The following NCKAP5 variants were observed in gnomAD, a reference collection of about 807,000 sequenced individuals.
The protein encoded by NCKAP5 is NCK associated protein 5.
A neutral mutation model predicts 167.0 loss-of-function variants in NCKAP5; 92 were observed. That is an observed-to-expected ratio of 0.55 (90% CI 0.47 to 0.66). NCKAP5 has a LOEUF of 0.66. Ranked by LOEUF, NCKAP5 falls within the 30% of genes least tolerant of loss-of-function variation. The pLI is 0.00. For synonymous variants in NCKAP5, 891 were observed against 877.4 expected (o/e 1.02, Z -0.27); for missense variants, 2,378 against 2,315.0 (o/e 1.03, Z -0.56).
chr2:132,742,758 G>A (rs1679315212), intron 16 of NCKAP5, among the ~76,000 whole-genome samples: 1 of 151,798 alleles, frequency 6.6e-6, no homozygotes, highest in South Asian at 2.1e-4. Flanking sequence ...ATTTTAACAT[G>A]TTTTACTTGC....
At chr2:133,291,010 A>G (rs1184742484) in intron 4 of NCKAP5, among the ~76,000 whole-genome samples, 1 of 152,102 alleles carries the variant, frequency 6.6e-6, no homozygotes, top group Non-Finnish European at 1.5e-5. Context: ...GTGAGCCACC[A>G]TGCTTGGACA....
chr2:133,264,312 C>T (rs2089069506), intron 4 of NCKAP5, among the ~76,000 whole-genome samples: 1 of 152,190 alleles, frequency 6.6e-6, no homozygotes, highest in African/African-American at 2.4e-5. Context: ...GGAATCCTTG[C>T]TATTTAAAAT....
intron 7 of NCKAP5, among the ~76,000 whole-genome samples, chr2:132,976,104 A>G (rs934513093): frequency 6.6e-6 from 1 of 152,208 alleles, no homozygotes; most frequent in African/African-American, 2.4e-5. Context: ...GGAGGACATT[A>G]TGTTAAGTGA....
At position 132,907,765 on chromosome 2, in the gene NCKAP5, C is replaced by G. The variant is rs569022675; in HGVS notation, c.580-28849G>C. ...CTCAGTCTCCCGGGTTCACGCCATTCTCCTGCCTCAGCCTCCCGAGTAGCT... is the reference window on the plus strand; with the variant it reads ...CTCAGTCTCCCGGGTTCACGCCATTGTCCTGCCTCAGCCTCCCGAGTAGCT... On this transcript the variant is annotated intron_variant, in intron 8 of 19. Transcript: ENST00000409261. Among the ~76,000 whole-genome samples, 5 of 152,204 alleles carry G rather than the reference C, an allele frequency of 3.3e-5. No individual in the cohort carries two copies. The South Asian group carries it at 6.2e-4, about 19-fold the overall frequency.
chr2:133,499,265 G>A (rs959674395), intron 3 of NCKAP5, among the ~76,000 whole-genome samples: 24 of 152,176 alleles, frequency 1.6e-4, no homozygotes, highest in Non-Finnish European at 4.4e-5. Flanking sequence ...TCAGTAAGAA[G>A]TTTTTATTAT....
At chr2:133,448,007 C>T (rs932936636) in intron 3 of NCKAP5, among the ~76,000 whole-genome samples, 1 of 152,206 alleles carries the variant, frequency 6.6e-6, no homozygotes, top group African/African-American at 2.4e-5. Context: ...CTAAAGCAAA[C>T]ATGCCTATTA....
intron 12 of NCKAP5, among the ~76,000 whole-genome samples, chr2:132,794,760 C>T (rs910593295): frequency 6.6e-6 from 1 of 151,972 alleles, no homozygotes; most frequent in Non-Finnish European, 1.5e-5. Flanking sequence ...TTTACACTTC[C>T]TGATATCCTA....
rs1422623759 is a variant in NCKAP5 at position 133,467,908 on chromosome 2, T to C, written c.69+49550A>G. Among the ~76,000 whole-genome samples the C allele has an allele frequency of 3.8e-5, 5 of 132,432 alleles. 1 individual carries two copies. The South Asian group carries it at 1.2e-3, about 33-fold the overall frequency. 86.9% of individuals were successfully genotyped at this position (132,432 alleles called of 152,430 possible). A position where few individuals can be genotyped will look rare whatever the true frequency, so the allele number is the denominator to read the frequency against. ...TATTTGATTCTTCTCTCTTTTCTTC[T>C]TTATTAGTCTTGCTAGCGGTCTATC... On this transcript the variant is annotated intron_variant, in intron 3 of 19. Coordinates refer to ENST00000409261, the MANE Select transcript of NCKAP5 (RefSeq NM_207363.3).
intron 16 of NCKAP5, among the ~76,000 whole-genome samples, chr2:132,767,629 C>T (rs954976894): frequency 4.6e-5 from 7 of 152,294 alleles, no homozygotes; most frequent in Non-Finnish European, 1.0e-4. Flanking sequence ...CTGTATAATC[C>T]GTAACTACAC....
chr2:133,625,429 C>T, the NCKAP5 span, among the ~76,000 whole-genome samples: 1 of 151,358 alleles, frequency 6.6e-6, no homozygotes, highest in African/African-American at 2.4e-5. Flanking sequence ...GGAACCAGGA[C>T]TCCTTGGATA....
chr2:132,731,951 G>A lies in NCKAP5; in HGVS notation c.5229C>T (p.Asp1743=). 6.2e-7 allele frequency: 1 copy of A among 1,613,932 alleles called. No homozygotes were observed. Among genetic ancestry groups the A allele is most frequent in the African/African-American group, 1.3e-5 (1 of 75,024 alleles). ...RSTGRYLCQP[D]SPEDAEPLLP... ...GGAGAGGCTCAGCGTCCTCTGGGGA[G>A]TCTGGCTGGCATAGGTAGCGTCCTG... The change falls in exon 17 of 20, where the codon GAC becomes GAT. Residue 1743 remains aspartate, a synonymous_variant. Coordinates refer to ENST00000409261, the MANE Select transcript of NCKAP5 (RefSeq NM_207363.3).
chr2:133,348,849 G>A (rs1347663799), intron 3 of NCKAP5, among the ~76,000 whole-genome samples: 3 of 152,080 alleles, frequency 2.0e-5, no homozygotes, highest in Admixed American at 2.0e-4. Context: ...GAAGACACAT[G>A]ACAAAGAAAA....
At chr2:133,107,413 A>C (rs1262599336) in intron 6 of NCKAP5, among the ~76,000 whole-genome samples, 2 of 152,262 alleles carry the variant, frequency 1.3e-5, no homozygotes, top group East Asian at 3.8e-4. Flanking sequence ...ATTCGAGCTC[A>C]AAAGCAGCAG....
chr2:132,823,541 G>A (rs1320769743), intron 11 of NCKAP5, among the ~76,000 whole-genome samples: 3 of 151,794 alleles, frequency 2.0e-5, no homozygotes, highest in African/African-American at 7.3e-5. Context: ...TATATAAAAT[G>A]CTAAAAGGAG....
chr2:132,848,612 C>G (rs16842407), intron 11 of NCKAP5, among the ~76,000 whole-genome samples: 6,135 of 152,210 alleles, frequency 0.04, 278 homozygotes, highest in East Asian at 0.12. Flanking sequence ...AGACATGATT[C>G]TTATCCTCTT....
At chr2:133,333,501 A>G (rs543387651) in intron 3 of NCKAP5, among the ~76,000 whole-genome samples, 1 of 152,268 alleles carries the variant, frequency 6.6e-6, no homozygotes, top group African/African-American at 2.4e-5. Context: ...AGAGTGTGGA[A>G]GTGAAGTCAC....
intron 19 of NCKAP5, among the ~76,000 whole-genome samples, chr2:132,705,364 T>C (rs751363243): frequency 5.3e-5 from 8 of 152,160 alleles, no homozygotes; most frequent in Non-Finnish European, 7.4e-5. Context: ...AATTCCTCTC[T>C]TTTTACCCTC....
At chr2:133,030,743 C>T (rs937243327) in intron 6 of NCKAP5, among the ~76,000 whole-genome samples, 6 of 152,088 alleles carry the variant, frequency 3.9e-5, no homozygotes, top group Admixed American at 6.5e-5. Context: ...AGGGGAATAC[C>T]ATAGACTGGG....
intron 3 of NCKAP5, among the ~76,000 whole-genome samples, chr2:133,497,488 C>T (rs902850706): frequency 5.9e-5 from 9 of 152,144 alleles, no homozygotes; most frequent in Non-Finnish European, 1.2e-4. Flanking sequence ...GTTTCACAGC[C>T]CAAATTCCTA....
Sources: gnomAD v4.1 joint callset for allele counts (sites outside exome capture counted in the v4.1 genomes callset) on GRCh38, gnomAD v4.1.1 for gene constraint, MANE v1.5 for transcripts, NCBI Gene and HGNC (gene_info 2026-07-23, HGNC 2026-07-21) for gene names.